Variants in BMPR1A observed in about 807,000 individuals in gnomAD.
The protein encoded by BMPR1A is bone morphogenetic protein receptor type-1A.
Under a neutral mutation model 66.0 loss-of-function variants are expected in BMPR1A, and 7 were observed. The observed-to-expected ratio is 0.11, with a 90% confidence interval of 0.06 to 0.20. The LOEUF (loss-of-function observed/expected upper bound fraction) is 0.20, where lower values mean the gene tolerates loss of function less well. Among genes scored for constraint, BMPR1A ranks in the 10% least tolerant of loss-of-function variants. The pLI is 1.00. For synonymous variants in BMPR1A, 200 were observed against 229.7 expected, an observed-to-expected ratio of 0.87 and a Z score of 1.17; for missense variants, 408 against 669.1, an observed-to-expected ratio of 0.61 and a Z score of 4.31.
intron 3 of BMPR1A, among the ~76,000 whole-genome samples, chr10:86,885,310 G>A (rs1843054951): frequency 6.6e-6 from 1 of 152,160 alleles, no homozygotes. Context: ...AATTTTATTG[G>A]AACACACTCA....
At chr10:86,856,207 C>G in intron 2 of BMPR1A, 1 of 524,652 alleles carries the variant, frequency 1.9e-6, no homozygotes, top group African/African-American at 1.9e-5. Flanking sequence ...TTCACTACAT[C>G]GTTGTAGTGA....
chr10:86,845,936 G>T lies in BMPR1A; in HGVS notation c.-153+6957G>T, dbSNP rs1246744025. 2.6e-5 allele frequency among the ~76,000 whole-genome samples: 4 copies of T among 151,892 alleles called. No individual in the cohort carries two copies. The East Asian group carries it at 7.7e-4, about 29-fold the overall frequency. The stretch of plus-strand genomic sequence containing the variant: ...GGCGTGGACTCGGGAGGTGGAGCTT[G>T]CAGTGAGCCAAGATCGTGCCACTGC... On this transcript the variant is annotated intron_variant, in intron 2 of 12. Coordinates refer to ENST00000372037, the MANE Select transcript of BMPR1A (RefSeq NM_004329.3).
chr10:86,921,397 T>A, intron 10 of BMPR1A, 123 bp from the exon 11 acceptor site: 1 of 1,303,456 alleles, frequency 7.7e-7, no homozygotes, highest in Non-Finnish European at 1.1e-6. Flanking sequence ...TGAAAAATGC[T>A]AAATTCCACA....
chr10:86,823,396 G>GT (rs765381947), intron 1 of BMPR1A, among the ~76,000 whole-genome samples: 27 of 152,308 alleles, frequency 1.8e-4, no homozygotes, highest in Non-Finnish European at 3.1e-4. Context: ...GTACGGAGGA[G>GT]GTTAAACAAC....
chr10:86,758,632 T>A (rs950447608), intron 1 of BMPR1A, among the ~76,000 whole-genome samples: 1 of 152,232 alleles, frequency 6.6e-6, no homozygotes, highest in African/African-American at 2.4e-5. Context: ...TAACACATGG[T>A]TGTTAATTGC....
chr10:86,872,770 G>A (rs956179272), intron 2 of BMPR1A, among the ~76,000 whole-genome samples: 1 of 151,968 alleles, frequency 6.6e-6, no homozygotes, highest in Non-Finnish European at 1.5e-5. Context: ...TTAAGATGGG[G>A]TCTTGCTGTG....
Position 86,926,794 on chromosome 10 carries a change from C to T in BMPR1A, c.*3075C>T, listed in dbSNP as rs1479086804. Reference sequence around the variant, plus strand: ...TCTTTAAATAATTAAAATATAAAAGCAAACAACCCAAACTACCTGACTATA... The same window carrying T: ...TCTTTAAATAATTAAAATATAAAAGTAAACAACCCAAACTACCTGACTATA... On this transcript the variant is annotated 3_prime_UTR_variant, in exon 13 of 13. Coordinates refer to ENST00000372037, the MANE Select transcript of BMPR1A (RefSeq NM_004329.3). 5.3e-6 allele frequency: 1 copy of T among 188,874 alleles called. No individual in the cohort carries two copies. Among genetic ancestry groups the T allele is most frequent in the African/African-American group, 2.3e-5 (1 of 42,902 alleles). 11.7% of individuals were successfully genotyped at this position (188,874 alleles called of 1,614,324 possible). A position where few individuals can be genotyped will look rare whatever the true frequency, so the allele number is the denominator to read the frequency against.
intron 1 of BMPR1A, among the ~76,000 whole-genome samples, chr10:86,816,639 A>T (rs1384766262): frequency 6.6e-6 from 1 of 152,214 alleles, no homozygotes; most frequent in African/African-American, 2.4e-5. Flanking sequence ...GAGCACTGAC[A>T]ATTGGAGTTA....
chr10:86,877,743 A>G (rs1288533953), intron 3 of BMPR1A, among the ~76,000 whole-genome samples: 3 of 152,212 alleles, frequency 2.0e-5, no homozygotes, highest in Non-Finnish European at 2.9e-5. Context: ...CAAAGCTGCT[A>G]TAGTTTTGAA....
intron 8 of BMPR1A, among the ~76,000 whole-genome samples, chr10:86,916,461 G>A (rs1843569001): frequency 6.6e-6 from 1 of 152,214 alleles, no homozygotes; most frequent in African/African-American, 2.4e-5. Flanking sequence ...AAAGCAGCAG[G>A]AAGGGGGCAA....
chr10:86,912,054 C>A (rs1843497591), intron 7 of BMPR1A, among the ~76,000 whole-genome samples, 186 bp from the exon 8 acceptor site: 1 of 152,046 alleles, frequency 6.6e-6, no homozygotes, highest in South Asian at 2.1e-4. Flanking sequence ...TCTGTTTTAA[C>A]ATGATACATA....
chr10:86,853,254 A>G (rs990325327), intron 2 of BMPR1A, among the ~76,000 whole-genome samples: 7 of 151,980 alleles, frequency 4.6e-5, no homozygotes, highest in African/African-American at 1.7e-4. Context: ...CCACTTTCAT[A>G]TATTCAGAGA....
chr10:86,831,559 C>G (rs1842267784), intron 1 of BMPR1A, among the ~76,000 whole-genome samples: 1 of 152,156 alleles, frequency 6.6e-6, no homozygotes, highest in African/African-American at 2.4e-5. Context: ...AATTTGAGAC[C>G]TGCCTGGGCA....
chr10:86,780,686 G>A (rs917118464), intron 1 of BMPR1A, among the ~76,000 whole-genome samples: 1 of 152,108 alleles, frequency 6.6e-6, no homozygotes, highest in African/African-American at 2.4e-5. Context: ...TCCTGCCTCC[G>A]CCTCCCAAAG....
At chr10:86,817,179 ATCTCCCATAC>A (rs1314004621) in intron 1 of BMPR1A, among the ~76,000 whole-genome samples, 1 of 152,146 alleles carries the variant, frequency 6.6e-6, no homozygotes, top group Non-Finnish European at 1.5e-5. Context: ...ACCACCATCC[ATCTCCCATAC>A]TCTTTTCATC....
intron 1 of BMPR1A, among the ~76,000 whole-genome samples, chr10:86,768,075 A>G: frequency 6.6e-6 from 1 of 152,160 alleles, no homozygotes; most frequent in Non-Finnish European, 1.5e-5. Context: ...TATTCTACAT[A>G]TGTGAATCAA....
chr10:86,870,701 G>T (rs970399569), intron 2 of BMPR1A, among the ~76,000 whole-genome samples: 1 of 152,020 alleles, frequency 6.6e-6, no homozygotes, highest in Admixed American at 6.6e-5. Context: ...TGAGATTACA[G>T]GTGTGAGCCA....
In BMPR1A at chr10:86,818,239, G is replaced by A. The variant is rs914821479; in HGVS notation, c.-267-20626G>A. On this transcript the variant is annotated intron_variant, in intron 1 of 12. Coordinates refer to ENST00000372037, the MANE Select transcript of BMPR1A (RefSeq NM_004329.3). ...TCCCCATGTTGGCCAAGCTGGTCTC[G>A]AACTCCTGACCTCGTGATCTGCCCT... is the stretch of plus-strand genomic sequence containing the variant. Among the ~76,000 whole-genome samples the A allele has an allele frequency of 2.6e-5, 4 of 152,214 alleles. No individual in the cohort carries two copies. In the East Asian group the frequency reaches 5.8e-4, roughly 22 times the overall value.
At chr10:86,809,905 A>G (rs1489727688) in intron 1 of BMPR1A, among the ~76,000 whole-genome samples, 1 of 152,032 alleles carries the variant, frequency 6.6e-6, no homozygotes, top group East Asian at 1.9e-4. Flanking sequence ...TTCATTTAGC[A>G]CATTTTTTCA....
Sources: allele counts gnomAD v4.1 joint callset (sites outside exome capture counted in the v4.1 genomes callset), GRCh38; gene constraint gnomAD v4.1.1; transcripts MANE v1.5; gene names NCBI Gene and HGNC (gene_info 2026-07-23, HGNC 2026-07-21).